TSHB: variants seen among roughly 807,000 people sequenced by gnomAD.
TSHB encodes thyroid stimulating hormone subunit beta, also known as thyrotropin subunit beta.
In TSHB, 9 loss-of-function variants were observed where a neutral mutation model predicts 9.3. The observed-to-expected ratio is 0.97, with a 90% CI of 0.58 to 1.69. The LOEUF (loss-of-function observed/expected upper bound fraction) is 1.69. TSHB is among the 40% of genes most tolerant of loss of function. TSHB has a pLI of 0.00. For missense variants in TSHB, 182 were observed against 168.5 expected, an observed-to-expected ratio of 1.08 and a Z score of -0.44; for synonymous variants, 57 against 57.2, an observed-to-expected ratio of 1.00 and a Z score of 0.01.
In TSHB at chr1:115,033,502, G is replaced by C. The variant is rs147989406; in HGVS notation, c.140G>C (p.Cys47Ser). Reference protein sequence around the residue: ...AYCLTINTTICAGYCMTRDIN... With the variant: ...AYCLTINTTISAGYCMTRDIN... The stretch of plus-strand genomic sequence containing the variant: ...TGCCTAACCATCAACACCACCATCT[G>C]TGCTGGATATTGTATGACACGGGTA... Residue 47 changes from cysteine to serine, a missense_variant, in exon 2 of 3, where the codon TGT (cysteine) becomes TCT (serine). By Grantham distance (112) the Cys-to-Ser change is moderately radical. Coordinates refer to ENST00000256592, the MANE Select transcript of TSHB (RefSeq NM_000549.5). 1.2e-6 allele frequency: 2 copies of C among 1,613,146 alleles called. No individual in the cohort carries two copies. Among genetic ancestry groups the C allele is most frequent in the African/African-American group, 1.3e-5 (1 of 74,868 alleles).
rs764658759 is a variant in TSHB at position 115,033,522 on chromosome 1, C to T, written c.160C>T (p.Arg54Trp). The T allele has an allele frequency of 3.1e-6, 5 of 1,612,138 alleles. No individual in the cohort carries two copies. Among genetic ancestry groups the T allele is most frequent in the Non-Finnish European group, 3.4e-6 (4 of 1,178,386 alleles). Residue 54 changes from arginine to tryptophan, a missense_variant and splice_region_variant, in exon 2 of 3, where the codon CGG becomes TGG. Physicochemically the swap from Arg to Trp is moderately radical, Grantham distance 101. Transcript: ENST00000256592. ...CATCTGTGCTGGATATTGTATGACA[C>T]GGGTATGTAGTTCATGTCACTTCTT... ...TTICAGYCMT[R>W]DINGKLFLPK...
chr1:115,032,428 A>G (rs964277867), intron 1 of TSHB, among the ~76,000 whole-genome samples: 1 of 152,090 alleles, frequency 6.6e-6, no homozygotes, highest in African/African-American at 2.4e-5. Flanking sequence ...ACTTCTGATT[A>G]TTGAACAAAA....
At chr1:115,033,707 C>T (rs562539582) in intron 2 of TSHB, 183 bp downstream of exon 2, 21 of 219,806 alleles carry the variant, frequency 9.6e-5, no homozygotes, top group Admixed American at 5.2e-4. Context: ...ACAATGGATA[C>T]GCATAATTTT....
At position 115,029,871 on chromosome 1, in the gene TSHB, A is replaced by G. The variant is rs1223794194; in HGVS notation, c.-2+11A>G. 1.3e-5 allele frequency: 2 copies of G among 152,520 alleles called. No homozygotes were observed. The highest frequency in any genetic ancestry group is 1.5e-5 in the Non-Finnish European group (1 of 67,948). The allele number at this position is 152,520 out of a possible 1,614,324, so 9.4% of individuals were successfully genotyped here. A position where few individuals can be genotyped will look rare whatever the true frequency, so the allele number is the denominator to read the frequency against. ...CCAATGCAAAGTAAGGTAGGTGTCT[A>G]TAGTGAGAAGGCTCTGTGAAATGAT... On this transcript the variant is annotated intron_variant, in intron 1 of 2. Transcript: ENST00000256592.
At chr1:115,033,608 A>G in intron 2 of TSHB, 84 bp downstream of exon 2, 1 of 1,277,254 alleles carries the variant, frequency 7.8e-7, no homozygotes, top group Non-Finnish European at 1.1e-6. Context: ...GAAATGAAAT[A>G]AATCACAACC....
rs564658310 is a variant in TSHB, at chr1:115,031,082, T to C, written c.-2+1222T>C. Among the ~76,000 whole-genome samples the C allele has an allele frequency of 3.3e-5, 5 of 152,160 alleles. No individual in the cohort carries two copies. The East Asian group carries it at 9.6e-4, about 29-fold the overall frequency. ...TGTGCTGCGAAGATTTTCATGATCA[T>C]CTTCTGGCTCTAAGCCCTGCTTTTA... On this transcript the variant is annotated intron_variant, in intron 1 of 2. Transcript: ENST00000256592.
At chr1:115,033,204 G>C (rs1346619256) in intron 1 of TSHB, 158 bp from the exon 2 acceptor site, 1 of 228,420 alleles carries the variant, frequency 4.4e-6, no homozygotes, top group African/African-American at 2.3e-5. Context: ...GACCTTTTTT[G>C]GACTTTATCT....
chr1:115,031,690 G>A (rs1283309116), intron 1 of TSHB, among the ~76,000 whole-genome samples: 1 of 151,956 alleles, frequency 6.6e-6, no homozygotes, highest in African/African-American at 2.4e-5. Context: ...TCCTACAGAG[G>A]ATCATCAAGT....
Position 115,033,466 on chromosome 1 carries a change from AGT to A in TSHB, c.108_109del (p.Ala37LeufsTer38), listed in dbSNP as rs2101008674. ...TATACAATGCACATCGAAAGGAGAGAGTGTGCTTATTGCCTAACCATCAACAC... is the reference window on the plus strand; with the variant it reads ...TATACAATGCACATCGAAAGGAGAGAGTGCTTATTGCCTAACCATCAACAC... On this transcript the variant is annotated frameshift_variant, in exon 2 of 3. Coordinates refer to ENST00000256592, the MANE Select transcript of TSHB (RefSeq NM_000549.5). LOFTEE classifies it high-confidence loss of function. The A allele has an allele frequency of 6.2e-7, 1 of 1,613,146 alleles. No homozygotes were observed. Among genetic ancestry groups the A allele is most frequent in the South Asian group, 1.1e-5 (1 of 91,056 alleles).
intron 1 of TSHB, 47 bp from the exon 2 acceptor site, chr1:115,033,315 C>T (rs111630216): frequency 6.3e-7 from 1 of 1,594,120 alleles, no homozygotes; most frequent in Admixed American, 1.7e-5. Flanking sequence ...TTTCTTTGCC[C>T]TTTCTGATTT....
chr1:115,033,590 A>G, intron 2 of TSHB, 66 bp downstream of exon 2: 1 of 1,400,334 alleles, frequency 7.1e-7, no homozygotes, highest in Non-Finnish European at 1.0e-6. Flanking sequence ...CCATTCCTAT[A>G]TAGAAAGGAA....
rs1674960726 is a variant in TSHB, at chr1:115,034,165, G to A, written c.355G>A (p.Ala119Thr). Residue 119 changes from alanine (A) to threonine (T), a missense_variant, in exon 3 of 3, where the codon GCC (alanine) becomes ACC (threonine). Coordinates refer to ENST00000256592, the MANE Select transcript of TSHB (RefSeq NM_000549.5). The part of the protein sequence containing the change: ...NTDYSDCIHE[A>T]IKTNYCTKPQ... The stretch of plus-strand genomic sequence containing the variant: ...TGACTATAGTGACTGCATACATGAA[G>A]CCATCAAGACAAACTACTGTACCAA... 4 of 1,613,698 alleles carry A rather than the reference G, an allele frequency of 2.5e-6. No homozygotes were observed. Among genetic ancestry groups the A allele is most frequent in the Middle Eastern group, 1.6e-4 (1 of 6,084 alleles).
At chr1:115,031,704 G>A (rs1255060560) in intron 1 of TSHB, among the ~76,000 whole-genome samples, 3 of 151,972 alleles carry the variant, frequency 2.0e-5, no homozygotes, top group East Asian at 3.9e-4. Flanking sequence ...ATCAAGTTCT[G>A]TATCTCTAAA....
Position 115,034,121 on chromosome 1 carries a change from A to G in TSHB, c.311A>G (p.Lys104Arg). ...TCCTATCCTGTTGCTTTAAGCTGTA[A>G]GTGTGGCAAGTGCAATACTGACTAT... ...YFSYPVALSCKCGKCNTDYSD... is the reference protein window; with the variant it reads ...YFSYPVALSCRCGKCNTDYSD... The change falls in exon 3 of 3, where the codon AAG (lysine) becomes AGG (arginine). Residue 104 changes from lysine to arginine, a missense_variant. Transcript: ENST00000256592. 1.2e-6 allele frequency: 2 copies of G among 1,613,822 alleles called. No individual in the cohort carries two copies. The highest frequency in any genetic ancestry group is 1.7e-6 in the Non-Finnish European group (2 of 1,179,820).
Position 115,034,033 on chromosome 1 carries a change from A to G in TSHB, c.223A>G (p.Arg75Gly), listed in dbSNP as rs201857310. The G allele has an allele frequency of 7.2e-4, 1,160 of 1,613,860 alleles. 21 individuals carry two copies. The South Asian group carries it at 0.011, about 15-fold the overall frequency. The change falls in exon 3 of 3, where the codon AGA becomes GGA. Residue 75 changes from arginine to glycine, a missense_variant. Physicochemically the swap from Arg to Gly is moderately radical, Grantham distance 125. Transcript: ENST00000256592. ...YALSQDVCTY[R>G]DFIYRTVEIP... ...TCTGTCCCAGGATGTTTGCACATAT[A>G]GAGACTTCATCTACAGGACTGTAGA...
At position 115,033,367 on chromosome 1, in the gene TSHB, C is replaced by G. The variant is rs1178647127; in HGVS notation, c.5C>G (p.Thr2Ser). 7 of 1,613,076 alleles carry G rather than the reference C, an allele frequency of 4.3e-6. No homozygotes were observed. The highest frequency in any genetic ancestry group is 5.9e-6 in the Non-Finnish European group (7 of 1,179,330). The change falls in exon 2 of 3, where the codon ACT becomes AGT. Residue 2 changes from threonine (T) to serine (S), a missense_variant. Transcript: ENST00000256592. Reference sequence around the variant, plus strand: ...TAATTTTATCTTTGATTTAGCATGACTGCTCTCTTTCTGATGTCCATGCTT... The same window carrying G: ...TAATTTTATCTTTGATTTAGCATGAGTGCTCTCTTTCTGATGTCCATGCTT... M[T>S]ALFLMSMLFG...
In TSHB at chr1:115,030,938, T is replaced by C. The variant is rs574478388; in HGVS notation, c.-2+1078T>C. ...ATATGGAAAAATGAAGGCACAAAGA[T>C]ATTAAATTGCTCAGTTGCACACAAT... On this transcript the variant is annotated intron_variant, in intron 1 of 2. Transcript: ENST00000256592. Among the ~76,000 whole-genome samples the C allele has an allele frequency of 3.3e-5, 5 of 152,154 alleles. No individual in the cohort carries two copies. In the South Asian group the frequency reaches 1.0e-3, roughly 31 times the overall value.
At chr1:115,033,559 TTA>T in intron 2 of TSHB, 35 bp downstream of exon 2, 1 of 1,570,594 alleles carries the variant, frequency 6.4e-7, no homozygotes, top group Non-Finnish European at 8.8e-7. Context: ...TGGCTGTAAA[TTA>T]TATAAGCCCT....
rs1350898758 is a variant in TSHB, at chr1:115,033,493, C to G, written c.131C>G (p.Thr44Ser). ...RECAYCLTIN[T>S]TICAGYCMTR... ...TGTGCTTATTGCCTAACCATCAACA[C>G]CACCATCTGTGCTGGATATTGTATG... The change falls in exon 2 of 3, where the codon ACC becomes AGC. Residue 44 changes from threonine (T) to serine (S), a missense_variant. Coordinates refer to ENST00000256592, the MANE Select transcript of TSHB (RefSeq NM_000549.5). 1 of 1,613,332 alleles carries G rather than the reference C, an allele frequency of 6.2e-7. No individual in the cohort carries two copies. The highest frequency in any genetic ancestry group is 1.7e-5 in the Admixed American group (1 of 59,998).
Sources: allele counts gnomAD v4.1 joint callset (sites outside exome capture counted in the v4.1 genomes callset), GRCh38; gene constraint gnomAD v4.1.1; transcripts MANE v1.5; gene names NCBI Gene and HGNC (gene_info 2026-07-23, HGNC 2026-07-21).